Variants in F2RL1 observed in about 807,000 individuals in gnomAD.
The protein encoded by F2RL1 is proteinase-activated receptor 2.
F2RL1 carries 16 observed loss-of-function variants against 21.7 expected under a neutral mutation model. That is an observed-to-expected ratio of 0.74 (90% CI 0.50 to 1.12). The LOEUF is 1.12. F2RL1 is among the 50% of genes most tolerant of loss of function. The probability of loss-of-function intolerance (pLI) is 0.00; values close to 1 mark genes in which losing one functional copy is unlikely to be tolerated. For missense variants in F2RL1, 432 were observed against 477.8 expected (o/e 0.90, Z 0.89); for synonymous variants, 181 against 186.7 (o/e 0.97, Z 0.25).
chr5:76,828,913 C>T (rs1296382532), intron 1 of F2RL1, among the ~76,000 whole-genome samples: 1 of 151,942 alleles, frequency 6.6e-6, no homozygotes. Context: ...ATCAGGAGTT[C>T]GAGACCAGCT....
intron 1 of F2RL1, among the ~76,000 whole-genome samples, chr5:76,828,732 A>G (rs575560675): frequency 6.6e-6 from 1 of 152,022 alleles, no homozygotes; most frequent in African/African-American, 2.4e-5. Flanking sequence ...GGCCTCGAGC[A>G]ATCCTTCCAC....
chr5:76,821,320 G>T (rs1750130731), intron 1 of F2RL1, among the ~76,000 whole-genome samples: 1 of 152,106 alleles, frequency 6.6e-6, no homozygotes, highest in Admixed American at 6.5e-5. Flanking sequence ...GAGGCAGGGG[G>T]CCCTACCATC....
chr5:76,833,620 G>T lies in F2RL1; in HGVS notation c.1013G>T (p.Cys338Phe). Residue 338 changes from cysteine (C) to phenylalanine (F), a missense_variant, in exon 2 of 2, where the codon TGC becomes TTC. Physicochemically the swap from Cys to Phe is radical, Grantham distance 205. Transcript: ENST00000296677. ...CTCTGCCTCTCTACCCTTAACAGCT[G>T]CATCGACCCCTTTGTCTATTACTTT... ...VALCLSTLNS[C>F]IDPFVYYFVS... The T allele has an allele frequency of 3.7e-6, 6 of 1,613,876 alleles. No homozygotes were observed. The highest frequency in any genetic ancestry group is 5.1e-6 in the Non-Finnish European group (6 of 1,179,992).
rs1271363180 is a variant in F2RL1, at chr5:76,833,122, A to G, written c.515A>G (p.Gln172Arg). ...SILFMTCLSV[Q>R]RYWVIVNPMG... is the part of the protein sequence containing the mutation. ...CTCTTCATGACCTGCCTCAGTGTGC[A>G]GAGGTATTGGGTCATCGTGAACCCC... is the stretch of plus-strand genomic sequence containing the variant. Residue 172 changes from glutamine (Q) to arginine (R), a missense_variant, in exon 2 of 2, where the codon CAG (glutamine) becomes CGG (arginine). Coordinates refer to ENST00000296677, the MANE Select transcript of F2RL1 (RefSeq NM_005242.6). 4 of 1,614,082 alleles carry G rather than the reference A, an allele frequency of 2.5e-6. No individual in the cohort carries two copies. Among genetic ancestry groups the G allele is most frequent in the African/African-American group, 2.7e-5 (2 of 74,924 alleles).
chr5:76,831,310 G>A (rs2243057), intron 1 of F2RL1, among the ~76,000 whole-genome samples: 78,650 of 151,636 alleles, frequency 0.52, 20,954 homozygotes, highest in South Asian at 0.72. Flanking sequence ...TGAGGCTATC[G>A]TTGTGGGTGA....
rs1362872749 is a variant in F2RL1, at chr5:76,824,157, ACAC to A, written c.82+4895_82+4897del. Among the ~76,000 whole-genome samples, 136 of 52,336 alleles carry A rather than the reference ACAC, an allele frequency of 2.6e-3. 4 individuals are homozygous for A. The highest frequency in any genetic ancestry group is 9.5e-3 in the African/African-American group (117 of 12,368). The allele number at this position is 52,336 out of a possible 152,430, so 34.3% of individuals were successfully genotyped here. On this transcript the variant is annotated intron_variant, in intron 1 of 1. Transcript: ENST00000296677. ...GGTAATTGAACTAGTCCTCCCCACC[ACAC>A]CCCCCCCCCCTTTTTTTTTTAAAGA...
At chr5:76,823,457 C>T (rs1750180784) in intron 1 of F2RL1, among the ~76,000 whole-genome samples, 1 of 149,148 alleles carries the variant, frequency 6.7e-6, no homozygotes, top group South Asian at 2.1e-4. Context: ...CAGCTCACTG[C>T]AACCTGCGCT....
chr5:76,821,028 C>G (rs1213428529), intron 1 of F2RL1, among the ~76,000 whole-genome samples: 3 of 151,962 alleles, frequency 2.0e-5, no homozygotes, highest in Non-Finnish European at 2.9e-5. Context: ...TCTTTGCTCA[C>G]TCGCTTTTTA....
intron 1 of F2RL1, among the ~76,000 whole-genome samples, chr5:76,830,444 A>C (rs1260863291): frequency 1.3e-5 from 2 of 152,000 alleles, no homozygotes; most frequent in Admixed American, 1.3e-4. Flanking sequence ...CGCCCGGCTA[A>C]TTTTTGTATT....
At chr5:76,828,865 C>T (rs368767250) in intron 1 of F2RL1, among the ~76,000 whole-genome samples, 7 of 151,944 alleles carry the variant, frequency 4.6e-5, no homozygotes, top group East Asian at 3.8e-4. Context: ...CCTGTAATTC[C>T]AGCACTTTGG....
chr5:76,824,597 G>C (rs1288114863), intron 1 of F2RL1, among the ~76,000 whole-genome samples: 1 of 152,088 alleles, frequency 6.6e-6, no homozygotes, highest in African/African-American at 2.4e-5. Context: ...AAAGTGCTGG[G>C]TTTACAGGCG....
At position 76,819,143 on chromosome 5, in the gene F2RL1, G is replaced by A. The variant is rs940065412; in HGVS notation, c.-40G>A. ...AGCTCTGAGTTTCGAATCGGCGGCGGCGGATTCCCCGCGCGCCCGGCGTCG... is the reference window on the plus strand; with the variant it reads ...AGCTCTGAGTTTCGAATCGGCGGCGACGGATTCCCCGCGCGCCCGGCGTCG... On this transcript the variant is annotated 5_prime_UTR_variant, in exon 1 of 2. Transcript: ENST00000296677. 2 of 1,526,634 alleles carry A rather than the reference G, an allele frequency of 1.3e-6. No homozygotes were observed. The highest frequency in any genetic ancestry group is 2.1e-4 in the Middle Eastern group (1 of 4,688). The allele number at this position is 1,526,634 out of a possible 1,614,324, so 94.6% of individuals were successfully genotyped here. A position where few individuals can be genotyped will look rare whatever the true frequency, so the allele number is the denominator to read the frequency against.
intron 1 of F2RL1, among the ~76,000 whole-genome samples, chr5:76,825,036 C>T (rs961673969): frequency 4.4e-5 from 6 of 135,594 alleles, no homozygotes; most frequent in Admixed American, 1.6e-4. Context: ...GAGACAGAGT[C>T]TCACTCTGTT....
rs149406363 is a variant in F2RL1 at position 76,832,588 on chromosome 5, A to C, written c.83-102A>C. The C allele has an allele frequency of 6.7e-6, 8 of 1,202,332 alleles. No homozygotes were observed. The South Asian group carries it at 9.4e-5, about 14-fold the overall frequency. 74.5% of individuals were successfully genotyped at this position (1,202,332 alleles called of 1,614,324 possible). The stretch of plus-strand genomic sequence containing the variant: ...GGTGACAGCGAGACCCTGTCTCATA[A>C]ATTAAAAAATGAATAAATGAATGTA... On this transcript the variant is annotated intron_variant, in intron 1 of 1. Coordinates refer to ENST00000296677, the MANE Select transcript of F2RL1 (RefSeq NM_005242.6).
chr5:76,830,943 C>A (rs1288203907), intron 1 of F2RL1, among the ~76,000 whole-genome samples: 1 of 151,970 alleles, frequency 6.6e-6, no homozygotes, highest in African/African-American at 2.4e-5. Context: ...GTTTAATATC[C>A]CCCTGGTATA....
chr5:76,828,205 G>T (rs559670074), intron 1 of F2RL1, among the ~76,000 whole-genome samples: 171 of 152,178 alleles, frequency 1.1e-3, no homozygotes, highest in African/African-American at 3.9e-3. Flanking sequence ...CTGACCTCAG[G>T]TGATCCACCC....
chr5:76,828,914 G>A (rs542833178), intron 1 of F2RL1, among the ~76,000 whole-genome samples: 5 of 152,102 alleles, frequency 3.3e-5, no homozygotes, highest in Admixed American at 2.6e-4. Context: ...TCAGGAGTTC[G>A]AGACCAGCTT....
chr5:76,832,218 A>G (rs1300261684), intron 1 of F2RL1, among the ~76,000 whole-genome samples: 3 of 152,176 alleles, frequency 2.0e-5, no homozygotes, highest in African/African-American at 7.2e-5. Context: ...AAACCAGACA[A>G]TAGAAATCCC....
At chr5:76,821,454 T>C (rs900946274) in intron 1 of F2RL1, among the ~76,000 whole-genome samples, 2 of 152,090 alleles carry the variant, frequency 1.3e-5, no homozygotes, top group African/African-American at 4.8e-5. Context: ...TCAGTCAGCT[T>C]CTCTCTGCCA....
Sources: allele counts gnomAD v4.1 joint callset (sites outside exome capture counted in the v4.1 genomes callset), GRCh38; gene constraint gnomAD v4.1.1; transcripts MANE v1.5; gene names NCBI Gene and HGNC (gene_info 2026-07-23, HGNC 2026-07-21).